The following NRDC variants were observed in gnomAD, a reference collection of about 807,000 sequenced individuals.
NRDC encodes nardilysin.
NRDC carries 54 observed loss-of-function variants against 147.1 expected under a neutral mutation model. The observed-to-expected ratio is 0.37, with a 90% CI of 0.29 to 0.46. NRDC has a LOEUF of 0.46. NRDC is among the 20% of genes least tolerant of loss of function. NRDC has a pLI of 1.00. For synonymous variants in NRDC, 440 were observed against 482.1 expected, an observed-to-expected ratio of 0.91 and a Z score of 1.14; for missense variants, 1,082 against 1,370.6, an observed-to-expected ratio of 0.79 and a Z score of 3.33.
intron 22 of NRDC, among the ~76,000 whole-genome samples, chr1:51,796,082 T>C (rs1438662438): frequency 6.6e-6 from 1 of 152,162 alleles, no homozygotes; most frequent in Non-Finnish European, 1.5e-5. Context: ...TGTCTCACTA[T>C]GTTGCCCAGG....
chr1:51,844,287 T>C (rs1681421937), intron 1 of NRDC, among the ~76,000 whole-genome samples: 1 of 152,140 alleles, frequency 6.6e-6, no homozygotes, highest in Non-Finnish European at 1.5e-5. Flanking sequence ...AGGATGTGAT[T>C]GTATTTAGAG....
intron 1 of NRDC, among the ~76,000 whole-genome samples, chr1:51,863,748 T>G (rs960159082): frequency 2.0e-5 from 3 of 152,158 alleles, no homozygotes; most frequent in African/African-American, 4.8e-5. Context: ...ATTTAATCTA[T>G]AATAATGTTA....
intron 14 of NRDC, among the ~76,000 whole-genome samples, chr1:51,812,612 C>A (rs1051500368): frequency 3.4e-4 from 51 of 152,124 alleles, no homozygotes; most frequent in Non-Finnish European, 2.5e-4. Context: ...TCACTCTGAG[C>A]CCTATAACCC....
chr1:51,874,493 C>T (rs1286983952), intron 1 of NRDC, among the ~76,000 whole-genome samples: 1 of 152,068 alleles, frequency 6.6e-6, no homozygotes, highest in Non-Finnish European at 1.5e-5. Context: ...CCTGTAGTCC[C>T]AGCTACTGGA....
intron 7 of NRDC, 52 bp downstream of exon 7, chr1:51,823,611 TC>T (rs1466348608): frequency 6.7e-7 from 1 of 1,483,818 alleles, no homozygotes; most frequent in Non-Finnish European, 9.2e-7. Flanking sequence ...GGCAAACAAA[TC>T]CTAAGAAAGC....
At chr1:51,814,486 G>T in intron 13 of NRDC, 65 bp downstream of exon 13, 1 of 1,490,346 alleles carries the variant, frequency 6.7e-7, no homozygotes, top group Non-Finnish European at 9.2e-7. Context: ...CATGTCTACC[G>T]GCAGCCTGAA....
chr1:51,873,482 T>TATTC (rs1353056406), intron 1 of NRDC, among the ~76,000 whole-genome samples: 4 of 96,090 alleles, frequency 4.2e-5, no homozygotes, highest in Middle Eastern at 4.9e-3. Context: ...ATGGAATTTT[T>TATTC]ATTTATTTAT....
rs1441515246 is a variant in NRDC, at chr1:51,791,604, A to G, written c.2934T>C (p.Thr978=). ...TGTATTTGGTTGCCTGAGTCCCCAC[A>G]GTGACAGAAAATCCTAGAATCCCGG... The part of the protein sequence containing the change: ...NTSGILGFSV[T]VGTQATKYNS... Residue 978 remains threonine, a synonymous_variant, in exon 27 of 31, where the codon ACT becomes ACC. Transcript: ENST00000352171. The G allele has an allele frequency of 6.2e-7, 1 of 1,613,798 alleles. No homozygotes were observed. Among genetic ancestry groups the G allele is most frequent in the Admixed American group, 1.7e-5 (1 of 60,026 alleles).
At chr1:51,830,722 G>A (rs1416546314) in intron 4 of NRDC, among the ~76,000 whole-genome samples, 1 of 152,162 alleles carries the variant, frequency 6.6e-6, no homozygotes, top group South Asian at 2.1e-4. Context: ...CTCTTACCAT[G>A]AAATACTGAT....
chr1:51,803,673 T>G (rs969442221), intron 20 of NRDC, 141 bp downstream of exon 20: 3 of 600,308 alleles, frequency 5.0e-6, no homozygotes, highest in Non-Finnish European at 8.3e-6. Context: ...ACAGTTAGAA[T>G]AGCTGTCATC....
At chr1:51,858,215 C>T (rs922833293) in intron 1 of NRDC, among the ~76,000 whole-genome samples, 2 of 152,084 alleles carry the variant, frequency 1.3e-5, no homozygotes. Flanking sequence ...TGTGGTGGCT[C>T]ATGCCTGTAA....
At chr1:51,836,993 G>A (rs966329759) in intron 2 of NRDC, among the ~76,000 whole-genome samples, 9 of 148,968 alleles carry the variant, frequency 6.0e-5, no homozygotes, top group Non-Finnish European at 1.2e-4. Context: ...TGAGGCCCAG[G>A]CTGGTCTCAA....
chr1:51,868,437 G>A (rs1682925184), intron 1 of NRDC, among the ~76,000 whole-genome samples: 1 of 151,688 alleles, frequency 6.6e-6, no homozygotes, highest in Non-Finnish European at 1.5e-5. Flanking sequence ...AAAATAGAAG[G>A]CCTTGGACAT....
intron 1 of NRDC, among the ~76,000 whole-genome samples, chr1:51,842,109 G>A (rs932799001): frequency 6.6e-6 from 1 of 152,110 alleles, no homozygotes; most frequent in Non-Finnish European, 1.5e-5. Flanking sequence ...GGAGGTCCAG[G>A]CTGCAGCGAG....
In NRDC at chr1:51,844,798, G is replaced by A. The variant is rs1336895308; in HGVS notation, c.342-4284C>T. On this transcript the variant is annotated intron_variant, in intron 1 of 30. Coordinates refer to ENST00000352171, the MANE Select transcript of NRDC (RefSeq NM_001101662.2). ...GAGGGGGGAGGGGGGAAGGGGAGGA[G>A]GGGGGAGGGAGGGAGGAAAGAAGGA... is the stretch of plus-strand genomic sequence containing the variant. 1.4e-4 allele frequency among the ~76,000 whole-genome samples: 13 copies of A among 93,288 alleles called. 1 individual carries two copies. In the South Asian group the frequency reaches 5.1e-3, roughly 37 times the overall value. 61.2% of individuals were successfully genotyped at this position (93,288 alleles called of 152,430 possible).
chr1:51,793,777 T>C (rs1678759718), intron 24 of NRDC, among the ~76,000 whole-genome samples: 1 of 152,054 alleles, frequency 6.6e-6, no homozygotes, highest in Non-Finnish European at 1.5e-5. Flanking sequence ...GCCCCAGAAT[T>C]TGGGGAGTCA....
At chr1:51,816,518 T>A (rs990341116) in intron 10 of NRDC, 129 bp from the exon 11 acceptor site, 2 of 428,090 alleles carry the variant, frequency 4.7e-6, no homozygotes. Flanking sequence ...CCACTAAACA[T>A]GAAATTATAA....
intron 17 of NRDC, among the ~76,000 whole-genome samples, chr1:51,808,734 G>A (rs1048077706): frequency 6.6e-6 from 1 of 152,184 alleles, no homozygotes; most frequent in Admixed American, 6.5e-5. Context: ...AGGATTGGTA[G>A]CTTTCAATGA....
chr1:51,878,473 A>G lies in NRDC; in HGVS notation c.143T>C (p.Leu48Pro). 2 of 1,614,004 alleles carry G rather than the reference A, an allele frequency of 1.2e-6. No individual in the cohort carries two copies. The highest frequency in any genetic ancestry group is 1.7e-6 in the Non-Finnish European group (2 of 1,180,018). The change falls in exon 1 of 31, where the codon CTG becomes CCG. Residue 48 changes from leucine to proline, a missense_variant. By Grantham distance (98) the Leu-to-Pro change is moderately conservative. Coordinates refer to ENST00000352171, the MANE Select transcript of NRDC (RefSeq NM_001101662.2). Reference protein sequence around the residue: ...DSAAARPFPILAMPGRNKAKS... With the variant: ...DSAAARPFPIPAMPGRNKAKS... ...CGCCTTGTTCCTTCCAGGCATGGCC[A>G]GAATAGGAAAGGGTCTGGCAGCAGC... is the stretch of plus-strand genomic sequence containing the variant.
Sources: allele counts gnomAD v4.1 joint callset (sites outside exome capture counted in the v4.1 genomes callset), GRCh38; gene constraint gnomAD v4.1.1; transcripts MANE v1.5; gene names NCBI Gene and HGNC (gene_info 2026-07-23, HGNC 2026-07-21).